Variants in FBXO25 observed in about 807,000 individuals in gnomAD.
FBXO25 encodes F-box only protein 25.
A neutral mutation model predicts 51.9 loss-of-function variants in FBXO25; 45 were observed. The observed-to-expected ratio is 0.87, with a 90% CI of 0.68 to 1.11. FBXO25 has a LOEUF of 1.11. FBXO25 is among the 50% of genes most tolerant of loss of function. The probability of loss-of-function intolerance (pLI) is 0.00; values close to 1 mark genes in which losing one functional copy is unlikely to be tolerated. For synonymous variants in FBXO25, 199 were observed against 151.0 expected, an observed-to-expected ratio of 1.32 and a Z score of -2.33; for missense variants, 507 against 428.5, an observed-to-expected ratio of 1.18 and a Z score of -1.62.
intron 2 of FBXO25, among the ~76,000 whole-genome samples, chr8:428,510 A>G (rs1468628513): frequency 6.7e-6 from 1 of 150,306 alleles, no homozygotes; most frequent in African/African-American, 2.5e-5. Context: ...TCTCTTGCAC[A>G]CTGTCTCTTT....
chr8:410,466 T>G (rs1003089419), intron 1 of FBXO25, among the ~76,000 whole-genome samples: 1 of 152,144 alleles, frequency 6.6e-6, no homozygotes, highest in Non-Finnish European at 1.5e-5. Context: ...ATCCACAGTT[T>G]CAAGTTGATA....
chr8:424,158 A>G (rs1159417934), intron 2 of FBXO25, among the ~76,000 whole-genome samples: 1 of 144,920 alleles, frequency 6.9e-6, no homozygotes, highest in Admixed American at 7.0e-5. Context: ...TCACTCTGAC[A>G]CCCAGGCTGG....
At chr8:447,000 C>T (rs1437853973) in intron 5 of FBXO25, among the ~76,000 whole-genome samples, 1 of 152,118 alleles carries the variant, frequency 6.6e-6, no homozygotes, top group Non-Finnish European at 1.5e-5. Context: ...TGAGGCTTAC[C>T]AAAAGCAGCT....
At chr8:432,486 G>A (rs1006675145) in intron 3 of FBXO25, among the ~76,000 whole-genome samples, 20 of 152,356 alleles carry the variant, frequency 1.3e-4, no homozygotes, top group African/African-American at 4.6e-4. Flanking sequence ...AATACAGTTA[G>A]TGTGATTCTT....
chr8:474,643 C>A lies in FBXO25; in HGVS notation c.*5839C>A. The stretch of plus-strand genomic sequence containing the variant: ...CGTAATGACTGGTGATGCTGAGTAT[C>A]TGTTTGTTGGCCGTTTATATGTCGT... On this transcript the variant is annotated 3_prime_UTR_variant, in exon 10 of 10. Coordinates refer to ENST00000350302, the MANE Select transcript of FBXO25 (RefSeq NM_183420.2). 1 of 436,874 alleles carries A rather than the reference C, an allele frequency of 2.3e-6. No homozygotes were observed. The highest frequency in any genetic ancestry group is 2.6e-5 in the Admixed American group (1 of 38,532). 27.1% of individuals were successfully genotyped at this position (436,874 alleles called of 1,614,324 possible).
At chr8:454,627 C>A (rs1318198795) in intron 7 of FBXO25, among the ~76,000 whole-genome samples, 1 of 152,158 alleles carries the variant, frequency 6.6e-6, no homozygotes, top group South Asian at 2.1e-4. Flanking sequence ...CGCGATGGCT[C>A]ACGCCAGTAG....
At chr8:452,291 G>A (rs913729462) in intron 7 of FBXO25, among the ~76,000 whole-genome samples, 6 of 152,296 alleles carry the variant, frequency 3.9e-5, no homozygotes, top group Non-Finnish European at 8.8e-5. Context: ...AACATTCAGC[G>A]TCAGTAAGAG....
intron 5 of FBXO25, among the ~76,000 whole-genome samples, chr8:445,632 C>T (rs933850275): frequency 3.9e-5 from 6 of 152,212 alleles, no homozygotes; most frequent in Non-Finnish European, 8.8e-5. Flanking sequence ...GTGGGCGGAT[C>T]ACCTGAGATC....
Position 431,356 on chromosome 8 carries a change from A to T in FBXO25, c.150A>T (p.Glu50Asp). The part of the protein sequence containing the change: ...NISHSIILNS[E>D]DGEIFNNEEH... ...TTTATTTCAGTATCTTAAATAGTGA[A>T]GATGGAGAAATATTCAATAATGAAG... is the stretch of plus-strand genomic sequence containing the variant. The change falls in exon 3 of 10, where the codon GAA (glutamate) becomes GAT (aspartate). Residue 50 changes from glutamate (E) to aspartate (D), a missense_variant. Glu to Asp is a conservative substitution (Grantham distance 45). Transcript: ENST00000350302. The T allele has an allele frequency of 6.6e-7, 1 of 1,509,478 alleles. No homozygotes were observed. The highest frequency in any genetic ancestry group is 9.0e-7 in the Non-Finnish European group (1 of 1,114,778). The allele number at this position is 1,509,478 out of a possible 1,614,324, so 93.5% of individuals were successfully genotyped here. A position where few individuals can be genotyped will look rare whatever the true frequency, so the allele number is the denominator to read the frequency against.
In FBXO25 at chr8:411,107, T is replaced by C. The variant is rs572622573; in HGVS notation, c.-7-1966T>C. On this transcript the variant is annotated intron_variant, in intron 1 of 9. Coordinates refer to ENST00000350302, the MANE Select transcript of FBXO25 (RefSeq NM_183420.2). ...TTCTCCATGATGTAAATATTCTACA[T>C]TTTTCTCTACGATATAAATATTCTA... Among the ~76,000 whole-genome samples, 12 of 152,322 alleles carry C rather than the reference T, an allele frequency of 7.9e-5. No homozygotes were observed. In the East Asian group the frequency reaches 2.3e-3, roughly 29 times the overall value.
At chr8:455,063 C>G (rs994605190) in intron 7 of FBXO25, among the ~76,000 whole-genome samples, 1 of 152,082 alleles carries the variant, frequency 6.6e-6, no homozygotes, top group Non-Finnish European at 1.5e-5. Context: ...AACTGGCTAA[C>G]GAAATTCCCA....
intron 5 of FBXO25, among the ~76,000 whole-genome samples, chr8:438,495 C>G (rs1325743049): frequency 6.6e-6 from 1 of 152,198 alleles, no homozygotes; most frequent in Admixed American, 6.5e-5. Context: ...ATTACAGATT[C>G]TTCCAGTTGC....
In FBXO25 at chr8:468,884, G is replaced by C; in HGVS notation, c.*80G>C. Reference sequence around the variant, plus strand: ...CTCATAGTGAGTGTTCTGTGAGGTGGGTGGAGACTCCTCGGAAGCCCCTGC... The same window carrying C: ...CTCATAGTGAGTGTTCTGTGAGGTGCGTGGAGACTCCTCGGAAGCCCCTGC... On this transcript the variant is annotated 3_prime_UTR_variant, in exon 10 of 10. Coordinates refer to ENST00000350302, the MANE Select transcript of FBXO25 (RefSeq NM_183420.2). The C allele has an allele frequency of 7.4e-7, 1 of 1,356,824 alleles. No individual in the cohort carries two copies. The highest frequency in any genetic ancestry group is 1.0e-6 in the Non-Finnish European group (1 of 983,828). 84.0% of individuals were successfully genotyped at this position (1,356,824 alleles called of 1,614,324 possible). A position where few individuals can be genotyped will look rare whatever the true frequency, so the allele number is the denominator to read the frequency against.
intron 5 of FBXO25, among the ~76,000 whole-genome samples, chr8:445,912 C>T (rs10464961): frequency 0.17 from 25,299 of 152,194 alleles, 2,321 homozygotes; most frequent in East Asian, 0.37. Context: ...GTATGTCTCA[C>T]ACCTTGGCAC....
Position 448,712 on chromosome 8 carries a change from T to C in FBXO25, c.382-1278T>C, listed in dbSNP as rs193152256. ...GAGAAAAGGTCGGTGGTTAGAGGTTTGTTGACTGTCTCACCTGTAATCACA... is the reference window on the plus strand; with the variant it reads ...GAGAAAAGGTCGGTGGTTAGAGGTTCGTTGACTGTCTCACCTGTAATCACA... On this transcript the variant is annotated intron_variant, in intron 5 of 9. Transcript: ENST00000350302. Among the ~76,000 whole-genome samples, 56 of 152,272 alleles carry C rather than the reference T, an allele frequency of 3.7e-4. No homozygotes were observed. In the East Asian group the frequency reaches 0.011, roughly 29 times the overall value.
rs1380115651 is a variant in FBXO25 at position 431,397 on chromosome 8, C to T, written c.191C>T (p.Ser64Leu). ...IFNNEEHEYA[S>L]KKRKKDHFRN... ...AATAATGAAGAGCATGAATATGCAT[C>T]GAAAAAAAGGAAAAAGGACCATTTT... The change falls in exon 3 of 10, where the codon TCG (serine) becomes TTG (leucine). Residue 64 changes from serine (S) to leucine (L), a missense_variant. Coordinates refer to ENST00000350302, the MANE Select transcript of FBXO25 (RefSeq NM_183420.2). The T allele has an allele frequency of 3.9e-6, 6 of 1,547,152 alleles. No individual in the cohort carries two copies. Among genetic ancestry groups the T allele is most frequent in the African/African-American group, 1.4e-5 (1 of 71,636 alleles).
chr8:426,275 G>C (rs1797474160), intron 2 of FBXO25, among the ~76,000 whole-genome samples: 1 of 152,110 alleles, frequency 6.6e-6, no homozygotes, highest in Non-Finnish European at 1.5e-5. Flanking sequence ...TAAAAAATAT[G>C]TGTGACTTTT....
intron 2 of FBXO25, among the ~76,000 whole-genome samples, chr8:426,960 A>G (rs545010200): frequency 2.2e-4 from 33 of 152,238 alleles, no homozygotes; most frequent in South Asian, 1.2e-3. Context: ...TAACTTATAT[A>G]AAATTGACTG....
In FBXO25 at chr8:468,751, AGCT is replaced by A; in HGVS notation, c.1028_1030del (p.Cys343del). The A allele has an allele frequency of 1.2e-6, 2 of 1,613,966 alleles. No individual in the cohort carries two copies. The highest frequency in any genetic ancestry group is 1.7e-6 in the Non-Finnish European group (2 of 1,180,006). ...CCCCTGCACGGCGGCCGACCCTGAC[AGCT>A]GCTTCACGCCTGTGTCTCCGCAGCA... On this transcript the variant is annotated inframe_deletion, in exon 10 of 10. Transcript: ENST00000350302.
Sources: allele counts gnomAD v4.1 joint callset (sites outside exome capture counted in the v4.1 genomes callset), GRCh38; gene constraint gnomAD v4.1.1; transcripts MANE v1.5; gene names NCBI Gene and HGNC (gene_info 2026-07-23, HGNC 2026-07-21).